Variants in RBFOX2 observed in about 807,000 individuals in gnomAD.
RBFOX2 encodes RNA binding protein fox-1 homolog 2.
A neutral mutation model predicts 49.1 loss-of-function variants in RBFOX2; 10 were observed. The ratio of observed to expected loss-of-function variants is 0.20; its 90% CI spans 0.13 to 0.35. RBFOX2 has a LOEUF of 0.35. Among genes scored for constraint, RBFOX2 ranks in the 10% least tolerant of loss-of-function variants. RBFOX2 has a pLI of 1.00. For missense variants in RBFOX2, 323 were observed against 486.9 expected (o/e 0.66, Z 3.17); for synonymous variants, 183 against 187.4 (o/e 0.98, Z 0.19).
intron 3 of RBFOX2, among the ~76,000 whole-genome samples, chr22:35,780,813 C>CT (rs1235229669): frequency 5.9e-5 from 9 of 152,176 alleles, no homozygotes; most frequent in Non-Finnish European, 1.3e-4. Context: ...AACCCAGGCT[C>CT]TTTGACTCCA....
At chr22:35,966,326 T>G (rs1249455088), upstream of RBFOX2, among the ~76,000 whole-genome samples, 1 of 152,186 alleles carries the variant, frequency 6.6e-6, no homozygotes, top group African/African-American at 2.4e-5. Flanking sequence ...AGTGCACACA[T>G]GTATACATTT....
At chr22:35,768,191 G>T in intron 5 of RBFOX2, 66 bp downstream of exon 6, 1 of 1,539,176 alleles carries the variant, frequency 6.5e-7, no homozygotes, top group Non-Finnish European at 9.0e-7. Flanking sequence ...TGTGAACTAA[G>T]TGAGGCAACA....
In RBFOX2 at chr22:35,890,422, A is replaced by C. The variant is rs570838522; in HGVS notation, c.-34+48425T>G. Among the ~76,000 whole-genome samples the C allele has an allele frequency of 1.2e-4, 18 of 152,294 alleles. 1 individual carries two copies. In the South Asian group the frequency reaches 3.5e-3, roughly 30 times the overall value. The stretch of plus-strand genomic sequence containing the variant: ...CACAGTAAGAGATTAATGATAACTA[A>C]TAATAAAACTGAATAATTATATACT... On this transcript the variant is annotated intron_variant, in intron 1 of 13. Transcript: ENST00000359369.
chr22:35,896,102 C>A (rs1231081873), intron 1 of RBFOX2, among the ~76,000 whole-genome samples: 2 of 152,152 alleles, frequency 1.3e-5, no homozygotes. Flanking sequence ...CAAAAGCAAA[C>A]CCCAGCTGTG....
chr22:35,780,374 A>C (rs1396700296), intron 3 of RBFOX2, among the ~76,000 whole-genome samples: 3 of 152,102 alleles, frequency 2.0e-5, no homozygotes, highest in Admixed American at 6.5e-5. Context: ...CAAACAAAAA[A>C]AAAAAACAAA....
At chr22:35,825,187 T>G (rs946582051) in intron 1 of RBFOX2, among the ~76,000 whole-genome samples, 1 of 152,206 alleles carries the variant, frequency 6.6e-6, no homozygotes, top group Non-Finnish European at 1.5e-5. Context: ...GCCACTGTAC[T>G]CCAGCCTGGG....
At chr22:36,021,932 T>C (rs1447137871) in intron 1 of RBFOX2, among the ~76,000 whole-genome samples, 1 of 152,160 alleles carries the variant, frequency 6.6e-6, no homozygotes, top group African/African-American at 2.4e-5. Flanking sequence ...AGAAACTCAA[T>C]ACTCCTAGGG....
At chr22:35,892,309 G>T (rs978255823) in intron 1 of RBFOX2, among the ~76,000 whole-genome samples, 2 of 152,134 alleles carry the variant, frequency 1.3e-5, no homozygotes, top group East Asian at 3.8e-4. Context: ...TCTGAAACCC[G>T]TATTCTTTTC....
intron 2 of RBFOX2, among the ~76,000 whole-genome samples, chr22:35,792,420 ACACTGAATC>A (rs1947934640): frequency 6.6e-6 from 1 of 152,058 alleles, no homozygotes; most frequent in East Asian, 1.9e-4. Flanking sequence ...GCAGAGATTC[ACACTGAATC>A]AAAATTTGCA....
At chr22:35,756,134 G>A in intron 9 of RBFOX2, 1 of 1,500,288 alleles carries the variant, frequency 6.7e-7, no homozygotes, top group Non-Finnish European at 9.0e-7. Context: ...AATCCGTCCT[G>A]GTAAACCACA....
At chr22:35,982,852 A>G (rs759322741) in intron 1 of RBFOX2, among the ~76,000 whole-genome samples, 3 of 151,952 alleles carry the variant, frequency 2.0e-5, no homozygotes, top group Non-Finnish European at 4.4e-5. Context: ...AAAGCAAAAC[A>G]GCAACAAGAG....
intron 2 of RBFOX2, among the ~76,000 whole-genome samples, chr22:35,800,887 A>G (rs1048696811): frequency 6.6e-6 from 1 of 152,224 alleles, no homozygotes; most frequent in Non-Finnish European, 1.5e-5. Flanking sequence ...GTTCTACTTG[A>G]GCCTAAATGA....
At chr22:35,775,836 TG>T (rs1467871406) in intron 4 of RBFOX2, among the ~76,000 whole-genome samples, 4 of 79,444 alleles carry the variant, frequency 5.0e-5, no homozygotes, top group Admixed American at 1.3e-4. Flanking sequence ...AGCGAGAATC[TG>T]CCTCAAAAAA....
chr22:35,943,496 G>A (rs145828080), upstream of RBFOX2, among the ~76,000 whole-genome samples: 387 of 152,230 alleles, frequency 2.5e-3, no homozygotes, highest in Non-Finnish European at 4.0e-3. Flanking sequence ...AATACCAACC[G>A]TAAGAATCTT....
chr22:36,011,943 T>C (rs2058838268), intron 1 of RBFOX2, among the ~76,000 whole-genome samples: 1 of 152,198 alleles, frequency 6.6e-6, no homozygotes, highest in Non-Finnish European at 1.5e-5. Context: ...TACTGACTAT[T>C]TTCCATGACT....
chr22:35,995,001 T>C (rs2058131051), intron 1 of RBFOX2: 1 of 152,232 alleles, frequency 6.6e-6, no homozygotes, highest in South Asian at 2.1e-4. Context: ...TTATTGTCTT[T>C]ACTGAGATAT....
intron 1 of RBFOX2, among the ~76,000 whole-genome samples, chr22:35,816,494 T>C (rs1432026108): frequency 1.3e-5 from 2 of 152,178 alleles, no homozygotes; most frequent in African/African-American, 4.8e-5. Flanking sequence ...TTTTCTCTTT[T>C]ACAATACATC....
At chr22:35,964,228 T>C (rs1023996255), upstream of RBFOX2, among the ~76,000 whole-genome samples, 12 of 152,096 alleles carry the variant, frequency 7.9e-5, no homozygotes, top group Non-Finnish European at 1.6e-4. Context: ...ATAGTGAGGG[T>C]TGGAAAAAAA....
chr22:35,959,339 G>A (rs1021136025), intron 1 of RBFOX2, among the ~76,000 whole-genome samples: 31 of 152,148 alleles, frequency 2.0e-4, no homozygotes, highest in Admixed American at 1.8e-3. Flanking sequence ...TACATGTTAC[G>A]CAGCAGTTTA....
Sources: allele counts gnomAD v4.1 joint callset (sites outside exome capture counted in the v4.1 genomes callset), GRCh38; gene constraint gnomAD v4.1.1; transcripts MANE v1.5; gene names NCBI Gene and HGNC (gene_info 2026-07-23, HGNC 2026-07-21).